Variants in GRIN2B observed in about 807,000 individuals in gnomAD.
GRIN2B encodes the protein glutamate ionotropic receptor NMDA type subunit 2B, also known as glutamate receptor ionotropic, NMDA 2B.
Under a neutral mutation model 114.5 loss-of-function variants are expected in GRIN2B, and 5 were observed. The observed-to-expected ratio is 0.04, with a 90% confidence interval of 0.02 to 0.09. GRIN2B has a LOEUF of 0.09. Ranked by LOEUF, GRIN2B falls within the 10% of genes least tolerant of loss-of-function variation. The pLI, the probability that GRIN2B is intolerant of heterozygous loss-of-function variation, is 1.00. For synonymous variants in GRIN2B, 787 were observed against 745.1 expected (o/e 1.06, Z -0.92); for missense variants, 1,108 against 1,943.5 (o/e 0.57, Z 8.08).
chr12:13,908,279 T>C (rs1234769339), intron 2 of GRIN2B, among the ~76,000 whole-genome samples: 1 of 152,062 alleles, frequency 6.6e-6, no homozygotes, highest in Non-Finnish European at 1.5e-5. Context: ...TCAGTTATAA[T>C]GGGAAATCCT....
intron 2 of GRIN2B, among the ~76,000 whole-genome samples, chr12:13,887,671 C>T (rs1193070525): frequency 6.6e-6 from 1 of 152,208 alleles, no homozygotes; most frequent in African/African-American, 2.4e-5. Context: ...ACCCACTCAT[C>T]TAGGACAAGT....
intron 4 of GRIN2B, among the ~76,000 whole-genome samples, chr12:13,677,285 T>A (rs1200618300): frequency 6.6e-6 from 1 of 152,174 alleles, no homozygotes; most frequent in Non-Finnish European, 1.5e-5. Flanking sequence ...GACTCTTTTT[T>A]TAACTCCTCT....
intron 4 of GRIN2B, among the ~76,000 whole-genome samples, chr12:13,730,869 A>G (rs1256010989): frequency 2.0e-5 from 3 of 152,174 alleles, no homozygotes; most frequent in Admixed American, 1.3e-4. Flanking sequence ...TGCCCTCTCT[A>G]CCACATTTGA....
chr12:13,945,423 T>C, intron 2 of GRIN2B, among the ~76,000 whole-genome samples: 1 of 152,182 alleles, frequency 6.6e-6, no homozygotes, highest in East Asian at 1.9e-4. Flanking sequence ...ACTGCTTGAG[T>C]CTGGCTCTGC....
At chr12:13,777,476 G>A (rs961302302) in intron 3 of GRIN2B, among the ~76,000 whole-genome samples, 1 of 152,174 alleles carries the variant, frequency 6.6e-6, no homozygotes. Context: ...GTTAAAGGAG[G>A]TCACTATCCA....
chr12:13,736,073 A>C (rs1863175105), intron 4 of GRIN2B, among the ~76,000 whole-genome samples: 1 of 150,840 alleles, frequency 6.6e-6, no homozygotes, highest in African/African-American at 2.4e-5. Context: ...GAAATAGAAA[A>C]AGAAACATTT....
intron 3 of GRIN2B, among the ~76,000 whole-genome samples, chr12:13,849,820 G>A (rs114018504): frequency 0.013 from 1,905 of 152,242 alleles, 43 homozygotes; most frequent in African/African-American, 0.044. Flanking sequence ...TCCCAGTCAT[G>A]AGGGGTGGAA....
At chr12:13,777,108 A>G (rs1864020069) in intron 3 of GRIN2B, among the ~76,000 whole-genome samples, 1 of 152,158 alleles carries the variant, frequency 6.6e-6, no homozygotes, top group Non-Finnish European at 1.5e-5. Flanking sequence ...GAGGTGAACA[A>G]GAAGAATCTA....
chr12:13,760,203 C>T (rs938129483), intron 3 of GRIN2B, among the ~76,000 whole-genome samples: 1 of 152,178 alleles, frequency 6.6e-6, no homozygotes, highest in Non-Finnish European at 1.5e-5. Context: ...ATTATGAACT[C>T]ACCTGCCTCT....
chr12:13,625,359 G>C (rs540804891), intron 5 of GRIN2B, among the ~76,000 whole-genome samples: 1 of 152,300 alleles, frequency 6.6e-6, no homozygotes, highest in South Asian at 2.1e-4. Context: ...TGATGGTTGT[G>C]TCTAAAGGAT....
At chr12:13,941,816 A>G (rs1867260269) in intron 2 of GRIN2B, among the ~76,000 whole-genome samples, 2 of 152,216 alleles carry the variant, frequency 1.3e-5, no homozygotes, top group South Asian at 2.1e-4. Context: ...ACAACTAAAC[A>G]TAAGATTGAA....
intron 2 of GRIN2B, among the ~76,000 whole-genome samples, chr12:13,933,165 T>C (rs147365182): frequency 1.7e-4 from 26 of 152,320 alleles, no homozygotes; most frequent in African/African-American, 6.0e-4. Flanking sequence ...CTGTTAGTCA[T>C]CAGCTCATGC....
intron 4 of GRIN2B, among the ~76,000 whole-genome samples, chr12:13,693,633 T>A (rs1301101500): frequency 6.6e-6 from 1 of 152,146 alleles, no homozygotes; most frequent in Non-Finnish European, 1.5e-5. Context: ...TGGGCCACAC[T>A]TGAAAGACAG....
chr12:13,618,355 G>A (rs1949471673), intron 5 of GRIN2B, among the ~76,000 whole-genome samples: 1 of 152,130 alleles, frequency 6.6e-6, no homozygotes, highest in Admixed American at 6.5e-5. Context: ...TCAATAATGT[G>A]TAAAAAGTTG....
intron 4 of GRIN2B, among the ~76,000 whole-genome samples, chr12:13,750,362 G>C (rs1013067921): frequency 1.3e-5 from 2 of 152,194 alleles, no homozygotes; most frequent in East Asian, 1.9e-4. Context: ...TAGAAACCAG[G>C]CTTCAGAGAT....
chr12:13,620,740 A>T lies in GRIN2B; in HGVS notation c.1126-4083T>A, dbSNP rs1006912215. On this transcript the variant is annotated intron_variant, in intron 5 of 13. Coordinates refer to ENST00000609686, the MANE Select transcript of GRIN2B (RefSeq NM_000834.5). ...ATAATTTCATGATCATAATTTCTTT[A>T]GGACAGGGGCTTTCTACATCCTACA... is the stretch of plus-strand genomic sequence containing the variant. Among the ~76,000 whole-genome samples the T allele has an allele frequency of 2.0e-5, 3 of 152,192 alleles. No homozygotes were observed. The East Asian group carries it at 5.8e-4, about 29-fold the overall frequency.
intron 4 of GRIN2B, among the ~76,000 whole-genome samples, chr12:13,679,828 G>A (rs1439288660): frequency 6.6e-6 from 1 of 152,088 alleles, no homozygotes; most frequent in Non-Finnish European, 1.5e-5. Flanking sequence ...ATGTGATCTT[G>A]GCACCTGAAT....
intron 2 of GRIN2B, among the ~76,000 whole-genome samples, chr12:13,960,567 A>G (rs1304266380): frequency 6.6e-6 from 1 of 152,176 alleles, no homozygotes; most frequent in Non-Finnish European, 1.5e-5. Context: ...CCAAAGCATC[A>G]GGCCTAAGGC....
intron 2 of GRIN2B, among the ~76,000 whole-genome samples, chr12:13,932,978 T>C (rs1867062667): frequency 1.4e-5 from 2 of 144,650 alleles, no homozygotes; most frequent in Non-Finnish European, 3.0e-5. Flanking sequence ...TGTGTGTGTG[T>C]GTGTGTGTGC....
Sources: allele counts gnomAD v4.1 joint callset (sites outside exome capture counted in the v4.1 genomes callset), GRCh38; gene constraint gnomAD v4.1.1; transcripts MANE v1.5; gene names NCBI Gene and HGNC (gene_info 2026-07-23, HGNC 2026-07-21).